The following RSF1 variants were observed in gnomAD, a reference collection of about 807,000 sequenced individuals.
RSF1 encodes the protein remodeling and spacing factor 1, also known as HBV pX-associated protein 8.
In RSF1, 13 loss-of-function variants were observed where a neutral mutation model predicts 145.2. That is an observed-to-expected ratio of 0.09 (90% CI 0.06 to 0.14). RSF1 has a LOEUF of 0.14. RSF1 is among the 10% of genes least tolerant of loss of function. The probability of loss-of-function intolerance (pLI) is 1.00; values close to 1 mark genes in which losing one functional copy is unlikely to be tolerated. For synonymous variants in RSF1, 577 were observed against 592.6 expected, an observed-to-expected ratio of 0.97 and a Z score of 0.38; for missense variants, 1,517 against 1,718.2, an observed-to-expected ratio of 0.88 and a Z score of 2.07.
At chr11:77,753,268 C>T (rs1034865937) in intron 2 of RSF1, among the ~76,000 whole-genome samples, 2 of 152,308 alleles carry the variant, frequency 1.3e-5, no homozygotes, top group East Asian at 3.9e-4. Context: ...ATCGCCTTTG[C>T]AAAAATTATA....
rs569163515 is a variant in RSF1, at chr11:77,813,605, T to C, written c.187+6923A>G. ...CCAGGGATTTTATGTTGCGGCTCGT[T>C]AGAGTGATTCAATTTCGGTGAACTG... On this transcript the variant is annotated intron_variant, in intron 1 of 15. Coordinates refer to ENST00000308488, the MANE Select transcript of RSF1 (RefSeq NM_016578.4). The C allele has an allele frequency of 4.7e-6, 3 of 643,610 alleles. No homozygotes were observed. In the South Asian group the frequency reaches 4.7e-5, roughly 10 times the overall value. 39.9% of individuals were successfully genotyped at this position (643,610 alleles called of 1,614,324 possible).
the RSF1 span, among the ~76,000 whole-genome samples, chr11:77,826,665 T>G: frequency 1.3e-5 from 2 of 152,132 alleles, no homozygotes; most frequent in Non-Finnish European, 2.9e-5. Flanking sequence ...CAACCGAACC[T>G]TTGAAACAGA....
chr11:77,699,516 T>A (rs1038425526), intron 6 of RSF1, among the ~76,000 whole-genome samples: 2 of 152,208 alleles, frequency 1.3e-5, no homozygotes, highest in Non-Finnish European at 2.9e-5. Flanking sequence ...AAAGTAGCAC[T>A]TTTGATTATG....
intron 2 of RSF1, among the ~76,000 whole-genome samples, chr11:77,748,216 CT>C (rs372130350): frequency 0.26 from 36,224 of 141,402 alleles, 5,051 homozygotes; most frequent in South Asian, 0.48. Context: ...AATAGAGGAT[CT>C]TTTTTTTTTT....
At chr11:77,830,013 C>G in the RSF1 span, 1 of 152,190 alleles carries the variant, frequency 6.6e-6, no homozygotes, top group South Asian at 2.1e-4. Context: ...CACCTGTAGT[C>G]CTAGCTGCTC....
intron 1 of RSF1, among the ~76,000 whole-genome samples, chr11:77,794,731 AC>A (rs1299980797): frequency 3.9e-5 from 6 of 152,172 alleles, no homozygotes; most frequent in African/African-American, 1.4e-4. Flanking sequence ...TAACAAACCC[AC>A]AGCTAACATC....
At chr11:77,751,495 G>C (rs1313964835) in intron 2 of RSF1, among the ~76,000 whole-genome samples, 1 of 152,122 alleles carries the variant, frequency 6.6e-6, no homozygotes, top group East Asian at 1.9e-4. Context: ...GTCCCCTTGA[G>C]ATGCATATGT....
chr11:77,805,652 CATGT>C (rs531573124), intron 1 of RSF1, among the ~76,000 whole-genome samples: 191 of 152,192 alleles, frequency 1.3e-3, no homozygotes, highest in African/African-American at 4.3e-3. Flanking sequence ...CATATATATA[CATGT>C]ATGTAACAAC....
chr11:77,758,927 G>C (rs906688935), intron 2 of RSF1, among the ~76,000 whole-genome samples: 1 of 152,086 alleles, frequency 6.6e-6, no homozygotes, highest in African/African-American at 2.4e-5. Context: ...AATGTCCTTT[G>C]ATGTACAAAT....
At chr11:77,832,530 TG>T in the RSF1 span, among the ~76,000 whole-genome samples, 2 of 152,034 alleles carry the variant, frequency 1.3e-5, no homozygotes, top group Non-Finnish European at 1.5e-5. Flanking sequence ...TTCTCCATGT[TG>T]GTCAGGCTGG....
At chr11:77,728,702 T>A (rs1037200380) in intron 4 of RSF1, among the ~76,000 whole-genome samples, 2 of 152,086 alleles carry the variant, frequency 1.3e-5, no homozygotes, top group Non-Finnish European at 2.9e-5. Flanking sequence ...ATTCTATGTA[T>A]ACAAAATGTT....
chr11:77,749,807 G>A (rs1948041795), intron 2 of RSF1, among the ~76,000 whole-genome samples: 1 of 152,002 alleles, frequency 6.6e-6, no homozygotes, highest in South Asian at 2.1e-4. Flanking sequence ...GGAGTGCAGT[G>A]GTGCGATCTC....
At chr11:77,672,803 C>G (rs1364179190) in intron 14 of RSF1, among the ~76,000 whole-genome samples, 1 of 152,168 alleles carries the variant, frequency 6.6e-6, no homozygotes, top group African/African-American at 2.4e-5. Flanking sequence ...CTGCCTCAGC[C>G]TTCCGAGTAG....
chr11:77,683,549 G>GA lies in RSF1; in HGVS notation c.3065+160dup, dbSNP rs201793384. On this transcript the variant is annotated intron_variant, in intron 11 of 15. Transcript: ENST00000308488. ...GCGAGACTCAGTCTCAAAAAAAAAA[G>GA]AAAAAGGAAAAAAAAAATTCTATGA... Among the ~76,000 whole-genome samples the GA allele has an allele frequency of 2.9e-3, 426 of 147,424 alleles. 5 individuals carry two copies. Among genetic ancestry groups the GA allele is most frequent in the African/African-American group, 0.01 (404 of 39,990 alleles).
the RSF1 span, chr11:77,842,600 C>T: frequency 1.1e-5 from 17 of 1,613,864 alleles, no homozygotes; most frequent in Non-Finnish European, 1.3e-5. Context: ...GGTAGTCGGA[C>T]TTGGGATTGG....
the RSF1 span, among the ~76,000 whole-genome samples, chr11:77,854,386 C>G: frequency 6.6e-6 from 1 of 152,106 alleles, no homozygotes; most frequent in Non-Finnish European, 1.5e-5. Context: ...GCCTATGAGC[C>G]TATAAGATCA....
chr11:77,792,175 C>A (rs1410108013), intron 1 of RSF1, among the ~76,000 whole-genome samples: 1 of 152,078 alleles, frequency 6.6e-6, no homozygotes, highest in Non-Finnish European at 1.5e-5. Context: ...AGAGCTTGTG[C>A]AGGGAAACTC....
intron 1 of RSF1, among the ~76,000 whole-genome samples, chr11:77,799,635 G>A (rs1021061244): frequency 6.6e-6 from 1 of 151,612 alleles, no homozygotes; most frequent in South Asian, 2.1e-4. Flanking sequence ...CCCCAATCTC[G>A]GGCAGCCATT....
rs1191943523 is a variant in RSF1 at position 77,666,204 on chromosome 11, T to C, written c.*713A>G. On this transcript the variant is annotated 3_prime_UTR_variant, in exon 16 of 16. Transcript: ENST00000308488. ...GCTAGCACAGTCTGGTTGGCAAAGC[T>C]TCATTATACATTTTACTGTACAAAT... 3 of 152,256 alleles carry C rather than the reference T, an allele frequency of 2.0e-5. No individual in the cohort carries two copies. The highest frequency in any genetic ancestry group is 7.2e-5 in the African/African-American group (3 of 41,464). The allele number at this position is 152,256 out of a possible 1,614,324, so 9.4% of individuals were successfully genotyped here.
Sources: allele counts gnomAD v4.1 joint callset (sites outside exome capture counted in the v4.1 genomes callset), GRCh38; gene constraint gnomAD v4.1.1; transcripts MANE v1.5; gene names NCBI Gene and HGNC (gene_info 2026-07-23, HGNC 2026-07-21).